ELAC2: variants seen among roughly 807,000 people sequenced by gnomAD.
ELAC2 encodes zinc phosphodiesterase ELAC protein 2.
In ELAC2, 92 loss-of-function variants were observed where a neutral mutation model predicts 105.2. The ratio of observed to expected loss-of-function variants is 0.87; its 90% CI spans 0.74 to 1.04. The LOEUF (loss-of-function observed/expected upper bound fraction) is 1.04, where lower values mean the gene tolerates loss of function less well. ELAC2 is among the 50% of genes least tolerant of loss of function. The probability of loss-of-function intolerance (pLI) is 0.00; values close to 1 mark genes in which losing one functional copy is unlikely to be tolerated. For synonymous variants in ELAC2, 468 were observed against 409.1 expected (o/e 1.14, Z -1.74); for missense variants, 1,099 against 1,071.7 (o/e 1.03, Z -0.36).
rs755308728 is a variant in ELAC2 at position 13,013,216 on chromosome 17, G to A, written c.550C>T (p.Pro184Ser). Residue 184 changes from proline to serine, a missense_variant, in exon 6 of 24, where the codon CCC (proline) becomes TCC (serine). Coordinates refer to ENST00000338034, the MANE Select transcript of ELAC2 (RefSeq NM_018127.7). ...EDETMTVYQI[P>S]IHSEQRRGKH... The stretch of plus-strand genomic sequence containing the variant: ...TGGCTTTCATACTCACTGTGTATGG[G>A]GATCTGGTAAACTGTCATGGTTTCA... 8.7e-6 allele frequency: 14 copies of A among 1,614,166 alleles called. No individual in the cohort carries two copies. In the South Asian group the frequency reaches 1.2e-4, roughly 14 times the overall value.
At chr17:12,996,059 G>A (rs2040453392) in intron 17 of ELAC2, 81 bp from the exon 18 acceptor site, 2 of 1,487,254 alleles carry the variant, frequency 1.3e-6, no homozygotes, top group South Asian at 1.2e-5. Context: ...CCTCTCTCTT[G>A]CAGGAGTTGC....
chr17:13,017,543 A>T, intron 1 of ELAC2, 160 bp downstream of exon 1: 2 of 1,359,428 alleles, frequency 1.5e-6, no homozygotes, highest in Non-Finnish European at 2.0e-6. Flanking sequence ...CATGGATGCA[A>T]AGAATCTCGG....
In ELAC2 at chr17:13,002,379, T is replaced by A; in HGVS notation, c.1219-20A>T. On this transcript the variant is annotated intron_variant, in intron 13 of 23. Coordinates refer to ENST00000338034, the MANE Select transcript of ELAC2 (RefSeq NM_018127.7). ...CTCCTTCTGAAAGAGACAAAACACA[T>A]TCATGGAGAGAAAGAGAGGGGACGA... is the stretch of plus-strand genomic sequence containing the variant. The A allele has an allele frequency of 6.2e-7, 1 of 1,614,054 alleles. No homozygotes were observed. Among genetic ancestry groups the A allele is most frequent in the South Asian group, 1.1e-5 (1 of 91,078 alleles).
At chr17:13,016,473 G>A (rs183988862) in intron 3 of ELAC2, among the ~76,000 whole-genome samples, 8 of 152,236 alleles carry the variant, frequency 5.3e-5, no homozygotes, top group African/African-American at 1.7e-4. Context: ...CTGTGCTGCT[G>A]CTGACTGGGC....
At chr17:13,001,822 G>A (rs56266951) in intron 14 of ELAC2, among the ~76,000 whole-genome samples, 40,637 of 152,072 alleles carry the variant, frequency 0.27, 5,666 homozygotes, top group Middle Eastern at 0.33. Context: ...ACTTAAGACT[G>A]TTTAGTGATA....
intron 17 of ELAC2, 74 bp downstream of exon 17, chr17:12,996,473 C>T (rs1402614755): frequency 6.2e-5 from 100 of 1,607,268 alleles, no homozygotes; most frequent in Non-Finnish European, 7.5e-5. Context: ...GAGGAAAAGA[C>T]GCAGCCAAAG....
At chr17:12,995,176 T>C (rs528083847) in intron 19 of ELAC2, 114 bp from the exon 20 acceptor site, 1 of 1,114,100 alleles carries the variant, frequency 9.0e-7, no homozygotes, top group African/African-American at 1.5e-5. Flanking sequence ...AAAACATGAG[T>C]TAAATCATAG....
At chr17:12,997,562 G>A (rs936562828) in intron 16 of ELAC2, among the ~76,000 whole-genome samples, 7 of 152,108 alleles carry the variant, frequency 4.6e-5, no homozygotes, top group African/African-American at 1.7e-4. Flanking sequence ...CTTCCCCCAG[G>A]ATCTCAGCCC....
At chr17:13,016,789 G>T in intron 3 of ELAC2, 73 bp downstream of exon 3, 1 of 1,457,772 alleles carries the variant, frequency 6.9e-7, no homozygotes, top group Non-Finnish European at 9.6e-7. Context: ...CCCCAGACTT[G>T]GAAAAATGGT....
chr17:13,006,225 C>A, intron 8 of ELAC2: 1 of 475,278 alleles, frequency 2.1e-6, no homozygotes, highest in Admixed American at 3.3e-5. Flanking sequence ...ACAAAATTGG[C>A]CAGGCGTGGT....
chr17:13,000,074 C>A, intron 15 of ELAC2, 82 bp downstream of exon 15: 1 of 1,323,040 alleles, frequency 7.6e-7, no homozygotes, highest in Non-Finnish European at 1.1e-6. Context: ...ATGCGCCCCA[C>A]CAGCACTCCA....
chr17:13,009,633 G>T (rs1008190295), intron 8 of ELAC2, among the ~76,000 whole-genome samples: 1 of 152,144 alleles, frequency 6.6e-6, no homozygotes, highest in Non-Finnish European at 1.5e-5. Context: ...TGGAGTTGAA[G>T]GAAAACAAAC....
At chr17:13,016,505 C>A (rs1019226956) in intron 3 of ELAC2, among the ~76,000 whole-genome samples, 7 of 152,136 alleles carry the variant, frequency 4.6e-5, no homozygotes, top group African/African-American at 1.7e-4. Context: ...GAATTCCAGG[C>A]CAGGTGCGGT....
intron 7 of ELAC2, 95 bp from the exon 8 acceptor site, chr17:13,010,766 A>G (rs2041372032): frequency 2.3e-5 from 26 of 1,111,522 alleles, no homozygotes; most frequent in Non-Finnish European, 3.4e-5. Context: ...TTCACTTCAC[A>G]TAAAAATTAA....
intron 8 of ELAC2, among the ~76,000 whole-genome samples, chr17:13,007,214 A>G (rs1207147926): frequency 6.6e-6 from 1 of 152,234 alleles, no homozygotes; most frequent in Non-Finnish European, 1.5e-5. Flanking sequence ...TAGGAAAAAA[A>G]AAATTTCACA....
At chr17:13,005,257 C>G (rs2041038747) in intron 10 of ELAC2, 156 bp from the exon 11 acceptor site, 1 of 705,352 alleles carries the variant, frequency 1.4e-6, no homozygotes, top group Non-Finnish European at 2.6e-6. Flanking sequence ...CAACACCCTT[C>G]TGGTCTCTTT....
intron 8 of ELAC2, among the ~76,000 whole-genome samples, chr17:13,007,746 C>T (rs562834304): frequency 2.4e-4 from 36 of 152,052 alleles, no homozygotes; most frequent in African/African-American, 3.4e-4. Flanking sequence ...AGTGTGGTGG[C>T]GGGCACCTGA....
At chr17:13,009,114 T>C (rs939906699) in intron 8 of ELAC2, among the ~76,000 whole-genome samples, 1 of 152,232 alleles carries the variant, frequency 6.6e-6, no homozygotes, top group Non-Finnish European at 1.5e-5. Context: ...ATGATTTTGC[T>C]ATCTAAAACT....
intron 4 of ELAC2, among the ~76,000 whole-genome samples, chr17:13,015,165 T>TA (rs1418030904): frequency 6.6e-6 from 1 of 152,338 alleles, no homozygotes; most frequent in East Asian, 1.9e-4. Flanking sequence ...GTGTGGCAGA[T>TA]GGATTACAGG....
Sources: allele counts gnomAD v4.1 joint callset (sites outside exome capture counted in the v4.1 genomes callset), GRCh38; gene constraint gnomAD v4.1.1; transcripts MANE v1.5; gene names NCBI Gene and HGNC (gene_info 2026-07-23, HGNC 2026-07-21).